ARMC10: variants seen among roughly 807,000 people sequenced by gnomAD.
ARMC10 encodes armadillo repeat-containing protein 10.
A neutral mutation model predicts 30.2 loss-of-function variants in ARMC10; 23 were observed. The observed-to-expected ratio is 0.76, with a 90% confidence interval of 0.55 to 1.08. The LOEUF (loss-of-function observed/expected upper bound fraction) is 1.08, where lower values mean the gene tolerates loss of function less well. Among genes scored for constraint, ARMC10 ranks in the 50% least tolerant of loss-of-function variants. ARMC10 has a pLI of 0.00. For synonymous variants in ARMC10, 111 were observed against 164.4 expected (o/e 0.68, Z 2.48); for missense variants, 303 against 413.7 (o/e 0.73, Z 2.32).
chr7:103,078,158 C>A (rs556364122), intron 2 of ARMC10, among the ~76,000 whole-genome samples: 2 of 151,960 alleles, frequency 1.3e-5, no homozygotes, highest in African/African-American at 2.4e-5. Flanking sequence ...ATGTGCCTGG[C>A]GAATTTTTTT....
At chr7:103,083,905 A>T in intron 3 of ARMC10, 75 bp downstream of exon 3, 2 of 1,557,420 alleles carry the variant, frequency 1.3e-6, no homozygotes, top group Non-Finnish European at 1.8e-6. Flanking sequence ...TGAATAAATT[A>T]CTTAACCTCT....
chr7:103,098,255 A>G, intron 6 of ARMC10, 44 bp from the exon 7 acceptor site: 2 of 1,259,580 alleles, frequency 1.6e-6, no homozygotes, highest in South Asian at 6.3e-5. Context: ...AAAAGTTTTC[A>G]TATATTATTA....
chr7:103,086,903 C>T (rs1485415817), intron 4 of ARMC10, 139 bp downstream of exon 4: 6 of 1,519,250 alleles, frequency 3.9e-6, no homozygotes, highest in Admixed American at 4.0e-5. Context: ...GAGAATAAGA[C>T]AGAAGAGGGA....
chr7:103,075,927 C>T (rs1799743637), intron 2 of ARMC10, 46 bp downstream of exon 2: 4 of 1,370,672 alleles, frequency 2.9e-6, no homozygotes, highest in Non-Finnish European at 3.9e-6. Flanking sequence ...GAGACACACC[C>T]TCCCAGCGGA....
chr7:103,081,447 C>T (rs1800372303), intron 2 of ARMC10, among the ~76,000 whole-genome samples: 2 of 152,214 alleles, frequency 1.3e-5, no homozygotes, highest in African/African-American at 4.8e-5. Context: ...TCTCAGCTTA[C>T]TGCAACCTCT....
chr7:103,086,317 C>G (rs1214782446), intron 3 of ARMC10, among the ~76,000 whole-genome samples: 1 of 152,054 alleles, frequency 6.6e-6, no homozygotes, highest in Non-Finnish European at 1.5e-5. Flanking sequence ...TAACTCATCT[C>G]AAAGAAAAAT....
intron 4 of ARMC10, among the ~76,000 whole-genome samples, chr7:103,091,869 TA>T (rs1585774119): frequency 6.6e-6 from 1 of 152,218 alleles, no homozygotes; most frequent in Non-Finnish European, 1.5e-5. Context: ...CCGAGCTCTT[TA>T]AAGACTTAAA....
intron 2 of ARMC10, among the ~76,000 whole-genome samples, chr7:103,083,328 TA>T: frequency 6.6e-6 from 1 of 152,172 alleles, no homozygotes; most frequent in East Asian, 1.9e-4. Context: ...TTAAAAATTT[TA>T]AAAAAACAGG....
chr7:103,097,104 G>A, intron 5 of ARMC10, 173 bp from the exon 6 acceptor site: 1 of 620,330 alleles, frequency 1.6e-6, no homozygotes, highest in Admixed American at 2.8e-5. Flanking sequence ...AGTTCAGAAT[G>A]AGACCTTTAA....
intron 5 of ARMC10, among the ~76,000 whole-genome samples, chr7:103,094,456 G>T (rs1448279365): frequency 6.6e-6 from 1 of 152,136 alleles, no homozygotes; most frequent in Non-Finnish European, 1.5e-5. Context: ...ACAAAGAATA[G>T]CAACATCAGA....
At chr7:103,086,093 A>T (rs1800825577) in intron 3 of ARMC10, among the ~76,000 whole-genome samples, 1 of 151,930 alleles carries the variant, frequency 6.6e-6, no homozygotes, top group Admixed American at 6.6e-5. Flanking sequence ...AAACATGCTT[A>T]CTCTTGTTAT....
intron 5 of ARMC10, among the ~76,000 whole-genome samples, chr7:103,094,661 T>C (rs1801620416): frequency 6.6e-6 from 1 of 152,186 alleles, no homozygotes; most frequent in Admixed American, 6.5e-5. Context: ...AGGTGTTTTT[T>C]TCCTAACACT....
At chr7:103,098,193 T>A in intron 6 of ARMC10, 106 bp from the exon 7 acceptor site, 1 of 1,142,616 alleles carries the variant, frequency 8.8e-7, no homozygotes, top group Non-Finnish European at 1.1e-6. Flanking sequence ...AATTTAAAAA[T>A]TTTAAAATGT....
intron 2 of ARMC10, among the ~76,000 whole-genome samples, chr7:103,079,698 T>A (rs1477792767): frequency 6.6e-6 from 1 of 152,226 alleles, no homozygotes; most frequent in East Asian, 1.9e-4. Context: ...TACAAGTAAA[T>A]ATACCCAAAT....
At chr7:103,084,313 T>G (rs1213883255) in intron 3 of ARMC10, among the ~76,000 whole-genome samples, 1 of 152,238 alleles carries the variant, frequency 6.6e-6, no homozygotes, top group African/African-American at 2.4e-5. Flanking sequence ...AACATGTGCT[T>G]CTTCCTACTC....
rs1585798607 is a variant in ARMC10, at chr7:103,098,311, T to C, written c.790T>C (p.Phe264Leu). The C allele has an allele frequency of 1.3e-6, 2 of 1,580,142 alleles. No individual in the cohort carries two copies. The highest frequency in any genetic ancestry group is 1.7e-6 in the Non-Finnish European group (2 of 1,165,716). Residue 264 changes from phenylalanine (F) to leucine (L), a missense_variant, in exon 7 of 7, where the codon TTC (phenylalanine) becomes CTC (leucine). Physicochemically the swap from Phe to Leu is conservative, Grantham distance 22 (BLOSUM62 0). Transcript: ENST00000323716. ...GLLRAQVDSSFLSLYDSHVAK... is the reference protein window; with the variant it reads ...GLLRAQVDSSLLSLYDSHVAK... ...TTTCATATTTCAGGTGGATTCATCATTCCTTTCCCTTTATGACAGCCACGT... is the reference window on the plus strand; with the variant it reads ...TTTCATATTTCAGGTGGATTCATCACTCCTTTCCCTTTATGACAGCCACGT...
At chr7:103,097,077 C>A in intron 5 of ARMC10, 200 bp from the exon 6 acceptor site, 1 of 587,716 alleles carries the variant, frequency 1.7e-6, no homozygotes, top group Non-Finnish European at 3.0e-6. Context: ...TCTAAGAGTG[C>A]TGCCAAGTGT....
intron 4 of ARMC10, among the ~76,000 whole-genome samples, chr7:103,091,726 G>A (rs1395190295): frequency 2.6e-5 from 4 of 152,170 alleles, no homozygotes; most frequent in African/African-American, 7.2e-5. Flanking sequence ...TGCGCAGACC[G>A]CAGACCAGTT....
At chr7:103,077,321 C>G (rs1799979521) in intron 2 of ARMC10, among the ~76,000 whole-genome samples, 1 of 151,602 alleles carries the variant, frequency 6.6e-6, no homozygotes, top group Non-Finnish European at 1.5e-5. Context: ...TTGTATGTAC[C>G]CTTACTGTAT....
Sources: gnomAD v4.1 joint callset for allele counts (sites outside exome capture counted in the v4.1 genomes callset) on GRCh38, gnomAD v4.1.1 for gene constraint, MANE v1.5 for transcripts, NCBI Gene and HGNC (gene_info 2026-07-23, HGNC 2026-07-21) for gene names.